CABIN1: variants seen among roughly 807,000 people sequenced by gnomAD.
The protein encoded by CABIN1 is calcineurin-binding protein cabin-1.
CABIN1 carries 133 observed loss-of-function variants against 227.7 expected under a neutral mutation model. That is an observed-to-expected ratio of 0.58 (90% CI 0.51 to 0.67). The LOEUF (loss-of-function observed/expected upper bound fraction) is 0.67, where lower values mean the gene tolerates loss of function less well. Ranked by LOEUF, CABIN1 falls within the 30% of genes least tolerant of loss-of-function variation. The probability of loss-of-function intolerance (pLI) is 0.00; values close to 1 mark genes in which losing one functional copy is unlikely to be tolerated. For synonymous variants in CABIN1, 1,086 were observed against 1,155.1 expected (o/e 0.94, Z 1.21); for missense variants, 2,408 against 2,852.5 (o/e 0.84, Z 3.55).
At chr22:24,118,825 G>T (rs2043232721) in intron 27 of CABIN1, among the ~76,000 whole-genome samples, 3 of 152,244 alleles carry the variant, frequency 2.0e-5, no homozygotes, top group Admixed American at 2.0e-4. Flanking sequence ...GTGGAGCAAG[G>T]CTGGGTGTTC....
intron 14 of CABIN1, among the ~76,000 whole-genome samples, 178 bp from the exon 15 acceptor site, chr22:24,063,857 A>G (rs945752171): frequency 6.6e-6 from 1 of 152,228 alleles, no homozygotes; most frequent in African/African-American, 2.4e-5. Flanking sequence ...CATTTAGTCA[A>G]CAAGTATTTA....
chr22:24,063,011 C>T lies in CABIN1; in HGVS notation c.1749C>T (p.Asp583=), dbSNP rs34400140. The T allele has an allele frequency of 6.6e-5, 106 of 1,614,220 alleles. No individual in the cohort carries two copies. The African/African-American group carries it at 1.2e-3, about 18-fold the overall frequency. ...TGGTGAATGGCAGATTTGGACCTGACTTCCCAGGGACCCACTGCCTGGGTG... is the reference window on the plus strand; with the variant it reads ...TGGTGAATGGCAGATTTGGACCTGATTTCCCAGGGACCCACTGCCTGGGTG... The part of the protein sequence containing the change: ...AGMVNGRFGP[D]FPGTHCLGDL... The change falls in exon 14 of 37, where the codon GAC becomes GAT. Residue 583 remains aspartate (D), a synonymous_variant. Coordinates refer to ENST00000263119, the MANE Select transcript of CABIN1 (RefSeq NM_012295.4).
intron 1 of CABIN1, among the ~76,000 whole-genome samples, chr22:24,028,877 G>A (rs2036287763): frequency 6.6e-6 from 1 of 152,182 alleles, no homozygotes; most frequent in Non-Finnish European, 1.5e-5. Context: ...CCTTTGGGAA[G>A]TTTACAAGGC....
At chr22:24,136,375 CAG>C (rs1168639959) in intron 29 of CABIN1, among the ~76,000 whole-genome samples, 1 of 120,462 alleles carries the variant, frequency 8.3e-6, no homozygotes, top group Non-Finnish European at 1.6e-5. Context: ...TTTTTTGAGA[CAG>C]AGTCTTGCTC....
intron 18 of CABIN1, among the ~76,000 whole-genome samples, chr22:24,073,791 G>A (rs2040253623): frequency 6.6e-6 from 1 of 152,174 alleles, no homozygotes; most frequent in South Asian, 2.1e-4. Context: ...GAGACCTGGG[G>A]CATGGGGATT....
At position 24,061,981 on chromosome 22, in the gene CABIN1, T is replaced by A; in HGVS notation, c.1652T>A (p.Leu551His). 3 of 1,614,098 alleles carry A rather than the reference T, an allele frequency of 1.9e-6. No individual in the cohort carries two copies. The highest frequency in any genetic ancestry group is 2.5e-6 in the Non-Finnish European group (3 of 1,179,998). ...CTGATGTCTCTCTCCTGCATGGAACTCCAGCTGGACCAGTGGCTGCTGACC... is the reference window on the plus strand; with the variant it reads ...CTGATGTCTCTCTCCTGCATGGAACACCAGCTGGACCAGTGGCTGCTGACC... ...MMLMSLSCME[L>H]QLDQWLLTKG... Residue 551 changes from leucine to histidine, a missense_variant, in exon 13 of 37, where the codon CTC (leucine) becomes CAC (histidine). This residue lies in a region of CABIN1 where 1,045 missense variants were observed against 1,168.4 expected (regional missense o/e 0.89). Transcript: ENST00000263119.
chr22:24,178,624 C>CA lies in CABIN1; in HGVS notation c.*429dup, dbSNP rs1389799258. ...GGTTGCTTTTCTAATAAAGATGGAA[C>CA]AGTTGTCTTTGCCTCTTTGCTCACC... On this transcript the variant is annotated 3_prime_UTR_variant, in exon 37 of 37. Coordinates refer to ENST00000263119, the MANE Select transcript of CABIN1 (RefSeq NM_012295.4). 2 of 273,888 alleles carry CA rather than the reference C, an allele frequency of 7.3e-6. No homozygotes were observed. Among genetic ancestry groups the CA allele is most frequent in the African/African-American group, 4.4e-5 (2 of 45,502 alleles). 17.0% of individuals were successfully genotyped at this position (273,888 alleles called of 1,614,324 possible).
At chr22:24,157,676 G>A (rs1008275017) in intron 29 of CABIN1, among the ~76,000 whole-genome samples, 1 of 152,144 alleles carries the variant, frequency 6.6e-6, no homozygotes, top group African/African-American at 2.4e-5. Flanking sequence ...CTGTTTCGCC[G>A]CTTTGGTGAC....
intron 1 of CABIN1, among the ~76,000 whole-genome samples, chr22:24,028,309 C>T (rs2036245414): frequency 6.6e-6 from 1 of 152,128 alleles, no homozygotes; most frequent in African/African-American, 2.4e-5. Flanking sequence ...AAGTAAAGCA[C>T]AGAAAAATGA....
Position 24,081,525 on chromosome 22 carries a change from G to A in CABIN1, c.2749-1703G>A, listed in dbSNP as rs554573461. Among the ~76,000 whole-genome samples the A allele has an allele frequency of 9.9e-5, 15 of 152,192 alleles. No homozygotes were observed. In the South Asian group the frequency reaches 1.5e-3, roughly 15 times the overall value. ...TTCTCCCCCCACCTTTTAAAAACCA[G>A]TCTTTCATGAGGTTTGTATAAATTA... On this transcript the variant is annotated intron_variant, in intron 19 of 36. Coordinates refer to ENST00000263119, the MANE Select transcript of CABIN1 (RefSeq NM_012295.4).
At chr22:24,113,121 C>T (rs1751048165) in intron 26 of CABIN1, among the ~76,000 whole-genome samples, 2 of 152,320 alleles carry the variant, frequency 1.3e-5, no homozygotes, top group East Asian at 3.9e-4. Flanking sequence ...AATTCTTTCC[C>T]ACTTCATTTG....
chr22:24,159,264 A>G (rs71318954), intron 29 of CABIN1, among the ~76,000 whole-genome samples: 3,116 of 152,284 alleles, frequency 0.02, 39 homozygotes, highest in South Asian at 0.04. Context: ...CAGGGCAGCT[A>G]TTCCCGTTCA....
intron 26 of CABIN1, among the ~76,000 whole-genome samples, chr22:24,112,939 C>T (rs1045686528): frequency 6.6e-6 from 1 of 152,150 alleles, no homozygotes; most frequent in Non-Finnish European, 1.5e-5. Flanking sequence ...AGGAAGGTTT[C>T]CTCAACTTCC....
chr22:24,119,224 C>T (rs184906576), intron 27 of CABIN1, 143 bp from the exon 28 acceptor site: 6 of 754,456 alleles, frequency 8.0e-6, no homozygotes, highest in Admixed American at 6.1e-5. Context: ...CCTCCTGCTG[C>T]TGGGTCCAGC....
Position 24,171,954 on chromosome 22 carries a change from A to G in CABIN1, c.5999A>G (p.His2000Arg), listed in dbSNP as rs761710567. The G allele has an allele frequency of 6.2e-7, 1 of 1,613,338 alleles. No homozygotes were observed. The highest frequency in any genetic ancestry group is 8.5e-7 in the Non-Finnish European group (1 of 1,180,024). ...AAGGACCCTGGGCCTCCCCGGCCAC[A>G]CAGGCCTGAAGCTACCCCCAGCATG... ...QSKDPGPPRP[H>R]RPEATPSMAS... Residue 2000 changes from histidine to arginine, a missense_variant, in exon 34 of 37, where the codon CAC becomes CGC. Physicochemically the swap from His to Arg is conservative, Grantham distance 29. Transcript: ENST00000263119.
At chr22:24,173,931 A>AC (rs2046969432) in intron 34 of CABIN1, among the ~76,000 whole-genome samples, 1 of 151,806 alleles carries the variant, frequency 6.6e-6, no homozygotes, top group African/African-American at 2.4e-5. Context: ...TAAGATGAAG[A>AC]TAATAGCACT....
Position 24,166,886 on chromosome 22 carries a change from G to T in CABIN1, c.5255G>T (p.Ser1752Ile). Residue 1752 changes from serine to isoleucine, a missense_variant, in exon 32 of 37, where the codon AGC becomes ATC. Physicochemically the swap from Ser to Ile is moderately radical, Grantham distance 142. Coordinates refer to ENST00000263119, the MANE Select transcript of CABIN1 (RefSeq NM_012295.4). ...AGCGGGGAGCGGAAGGATAAAGAGA[G>T]CCCACGGGCAGGGCCCACTGAGCCC... ...DQSGERKDKE[S>I]PRAGPTEPMD... The T allele has an allele frequency of 6.2e-7, 1 of 1,610,612 alleles. No homozygotes were observed. The highest frequency in any genetic ancestry group is 8.5e-7 in the Non-Finnish European group (1 of 1,178,906).
intron 12 of CABIN1, 77 bp from the exon 13 acceptor site, chr22:24,061,870 T>G (rs1769672085): frequency 9.6e-7 from 1 of 1,039,112 alleles, no homozygotes; most frequent in Admixed American, 1.7e-5. Flanking sequence ...TTTTGTTTCC[T>G]TCCACAGCCC....
At chr22:24,059,766 A>AC (rs2039055025) in intron 11 of CABIN1, among the ~76,000 whole-genome samples, 158 bp from the exon 12 acceptor site, 1 of 152,106 alleles carries the variant, frequency 6.6e-6, no homozygotes, top group South Asian at 2.1e-4. Context: ...CAGGCATTGA[A>AC]CCCAGTAGCC....
Sources: allele counts gnomAD v4.1 joint callset (sites outside exome capture counted in the v4.1 genomes callset), GRCh38; gene constraint gnomAD v4.1.1; regional missense constraint gnomAD v4.1.1; transcripts MANE v1.5; gene names NCBI Gene and HGNC (gene_info 2026-07-23, HGNC 2026-07-21).